Variants in MAPK14 observed in about 807,000 individuals in gnomAD.
The protein encoded by MAPK14 is CSAID-binding protein.
Under a neutral mutation model 49.6 loss-of-function variants are expected in MAPK14, and 16 were observed. The observed-to-expected ratio is 0.32, with a 90% CI of 0.22 to 0.49. The LOEUF (loss-of-function observed/expected upper bound fraction) is 0.49, where lower values mean the gene tolerates loss of function less well. Ranked by LOEUF, MAPK14 falls within the 20% of genes least tolerant of loss-of-function variation. MAPK14 has a pLI of 0.99. For missense variants in MAPK14, 200 were observed against 441.2 expected (o/e 0.45, Z 4.90); for synonymous variants, 142 against 158.0 (o/e 0.90, Z 0.76).
intron 4 of MAPK14, 98 bp from the exon 5 acceptor site, chr6:36,073,592 CT>C: frequency 1.2e-6 from 1 of 861,126 alleles, no homozygotes. Context: ...ACTATTAACA[CT>C]AGCAGTTCTT....
At chr6:36,062,608 A>G (rs1238630640) in intron 3 of MAPK14, among the ~76,000 whole-genome samples, 2 of 152,030 alleles carry the variant, frequency 1.3e-5, no homozygotes, top group Non-Finnish European at 2.9e-5. Flanking sequence ...GCTAATTAGC[A>G]AAATCTCTAT....
At chr6:36,095,214 A>T (rs7771484) in intron 8 of MAPK14, among the ~76,000 whole-genome samples, 24,756 of 152,238 alleles carry the variant, frequency 0.16, 2,762 homozygotes, top group African/African-American at 0.32. Flanking sequence ...GATAAAAGTT[A>T]TGGCATTGTG....
At chr6:36,059,898 G>C (rs1295395216) in intron 3 of MAPK14, among the ~76,000 whole-genome samples, 1 of 152,196 alleles carries the variant, frequency 6.6e-6, no homozygotes, top group Non-Finnish European at 1.5e-5. Context: ...TATCGCCCAT[G>C]CATGTGGGAG....
rs536472752 is a variant in MAPK14 at position 36,031,005 on chromosome 6, G to A, written c.116+2732G>A. ...GTGTTATCTTATTCAGAGATTCAGC[G>A]TAGTTATTTGAAGTTTTTCTTTTCT... On this transcript the variant is annotated intron_variant, in intron 1 of 11. Transcript: ENST00000229794. Among the ~76,000 whole-genome samples, 16 of 152,256 alleles carry A rather than the reference G, an allele frequency of 1.1e-4. No homozygotes were observed. The East Asian group carries it at 2.7e-3, about 26-fold the overall frequency.
intron 2 of MAPK14, among the ~76,000 whole-genome samples, chr6:36,054,939 C>T (rs1763537240): frequency 6.6e-6 from 1 of 152,186 alleles, no homozygotes; most frequent in African/African-American, 2.4e-5. Context: ...TGCCAGAGGG[C>T]ACATGTGATC....
chr6:36,118,229 A>G, the MAPK14 span, among the ~76,000 whole-genome samples: 4 of 152,250 alleles, frequency 2.6e-5, no homozygotes, highest in African/African-American at 9.6e-5. Context: ...GAAAATAGCA[A>G]GGCAAAAGAA....
chr6:36,041,959 T>C (rs1462825339), intron 1 of MAPK14, among the ~76,000 whole-genome samples: 1 of 152,146 alleles, frequency 6.6e-6, no homozygotes, highest in African/African-American at 2.4e-5. Flanking sequence ...GTCAGTATGG[T>C]TTTATGGAGC....
At chr6:36,040,976 T>G (rs562294693) in intron 1 of MAPK14, among the ~76,000 whole-genome samples, 2 of 152,308 alleles carry the variant, frequency 1.3e-5, no homozygotes, top group East Asian at 3.9e-4. Context: ...TGCTTAGTTT[T>G]AAAAATATTA....
At chr6:36,070,945 A>T (rs1002477056) in intron 3 of MAPK14, among the ~76,000 whole-genome samples, 7 of 152,174 alleles carry the variant, frequency 4.6e-5, no homozygotes, top group Non-Finnish European at 1.0e-4. Context: ...TGAAATCAGC[A>T]TTCTTTATAG....
chr6:36,074,106 A>G lies in MAPK14; in HGVS notation c.495+10A>G, dbSNP rs1443149058. ...AGACTGTGAGCTGAAGGTAAAATGA[A>G]GAGACAGTATTCATTGTTTGCTTTA... On this transcript the variant is annotated intron_variant, in intron 6 of 11. Transcript: ENST00000229794. 1 of 1,610,210 alleles carries G rather than the reference A, an allele frequency of 6.2e-7. No homozygotes were observed. The highest frequency in any genetic ancestry group is 1.1e-5 in the South Asian group (1 of 90,952).
At chr6:36,045,808 C>CAAAAAAA (rs371920281) in intron 1 of MAPK14, among the ~76,000 whole-genome samples, 16 of 46,360 alleles carry the variant, frequency 3.5e-4, no homozygotes, top group South Asian at 7.5e-4. Flanking sequence ...GACTCTGTCT[C>CAAAAAAA]AAAAAAAAAA....
chr6:36,106,819 C>A (rs1765810062), intron 10 of MAPK14, among the ~76,000 whole-genome samples: 1 of 152,004 alleles, frequency 6.6e-6, no homozygotes, highest in Non-Finnish European at 1.5e-5. Context: ...CCATGTCTCA[C>A]CCTCATCACC....
At chr6:36,081,167 T>C (rs1422625483) in intron 8 of MAPK14, among the ~76,000 whole-genome samples, 1 of 152,190 alleles carries the variant, frequency 6.6e-6, no homozygotes, top group African/African-American at 2.4e-5. Flanking sequence ...ACATTTTTAA[T>C]TTTGATTAAG....
intron 7 of MAPK14, among the ~76,000 whole-genome samples, chr6:36,076,237 T>C (rs1764528112): frequency 6.6e-6 from 1 of 152,090 alleles, no homozygotes; most frequent in African/African-American, 2.4e-5. Context: ...AATTAGTCCA[T>C]AATTTTAACC....
intron 8 of MAPK14, among the ~76,000 whole-genome samples, chr6:36,094,697 T>G (rs949422356): frequency 6.6e-6 from 1 of 152,250 alleles, no homozygotes; most frequent in African/African-American, 2.4e-5. Context: ...CTACCTGTCA[T>G]GTACCAGATG....
intron 3 of MAPK14, among the ~76,000 whole-genome samples, chr6:36,068,767 T>C (rs1217443950): frequency 6.6e-6 from 1 of 152,016 alleles, no homozygotes; most frequent in East Asian, 1.9e-4. Context: ...AACAATTGGG[T>C]ATTATCCAAG....
At chr6:36,065,507 G>GGTTGTGT (rs1554181671) in intron 3 of MAPK14, among the ~76,000 whole-genome samples, 1 of 122,454 alleles carries the variant, frequency 8.2e-6, no homozygotes, top group South Asian at 3.1e-4. Context: ...GGGCAGAAAA[G>GGTTGTGT]GTGTGTGTGT....
At chr6:36,064,991 C>T (rs1171931462) in intron 3 of MAPK14, among the ~76,000 whole-genome samples, 1 of 152,204 alleles carries the variant, frequency 6.6e-6, no homozygotes, top group East Asian at 1.9e-4. Flanking sequence ...ACCACATTTG[C>T]AATAAGACCT....
chr6:36,103,597 A>G (rs1177709111), intron 10 of MAPK14, among the ~76,000 whole-genome samples: 2 of 152,116 alleles, frequency 1.3e-5, no homozygotes, highest in Non-Finnish European at 2.9e-5. Context: ...TTCAACTTCC[A>G]AAAGTGCTGG....
Sources: gnomAD v4.1 joint callset for allele counts (sites outside exome capture counted in the v4.1 genomes callset) on GRCh38, gnomAD v4.1.1 for gene constraint, MANE v1.5 for transcripts, NCBI Gene and HGNC (gene_info 2026-07-23, HGNC 2026-07-21) for gene names.